AK6: variants seen among roughly 807,000 people sequenced by gnomAD.
AK6 encodes adenylate kinase isoenzyme 6.
A neutral mutation model predicts 23.7 loss-of-function variants in AK6; 24 were observed. The observed-to-expected ratio is 1.01, with a 90% confidence interval of 0.73 to 1.43. AK6 has a LOEUF of 1.43. AK6 is among the 40% of genes most tolerant of loss of function. The pLI, the probability that AK6 is intolerant of heterozygous loss-of-function variation, is 0.00. For synonymous variants in AK6, 73 were observed against 69.8 expected (o/e 1.05, Z -0.23); for missense variants, 191 against 199.1 (o/e 0.96, Z 0.24).
intron 2 of AK6, among the ~76,000 whole-genome samples, chr5:69,363,411 T>C (rs1426971208): frequency 6.6e-6 from 1 of 152,242 alleles, no homozygotes; most frequent in Admixed American, 6.5e-5. Flanking sequence ...AAATTGACTA[T>C]TATGTGACTC....
At chr5:69,365,270 T>C (rs758541712) in intron 2 of AK6, 19 of 1,614,228 alleles carry the variant, frequency 1.2e-5, no homozygotes, top group Middle Eastern at 1.6e-4. Flanking sequence ...GAGTACTTGG[T>C]CTGCTAGTAA....
chr5:69,365,455 T>C, intron 2 of AK6: 1 of 1,614,206 alleles, frequency 6.2e-7, no homozygotes, highest in East Asian at 2.2e-5. Context: ...TGCCTTGCAA[T>C]ATCTAATAAA....
At chr5:69,369,553 C>G (rs1762775032), upstream of AK6, 1 of 1,609,094 alleles carries the variant, frequency 6.2e-7, no homozygotes. Context: ...AGGGAGGAGC[C>G]GGAAGGGGCG....
intron 2 of AK6, chr5:69,365,055 G>C: frequency 6.2e-7 from 1 of 1,613,974 alleles, no homozygotes; most frequent in Non-Finnish European, 8.5e-7. Flanking sequence ...CATCATATTA[G>C]TGGTAATAAG....
intron 2 of AK6, among the ~76,000 whole-genome samples, chr5:69,357,560 T>C (rs1762114883): frequency 1.3e-5 from 2 of 152,254 alleles, no homozygotes; most frequent in African/African-American, 4.8e-5. Context: ...AACAAAGGAC[T>C]GAAATGTAGA....
chr5:69,353,598 A>G (rs1434061610), intron 4 of AK6, among the ~76,000 whole-genome samples: 3 of 152,128 alleles, frequency 2.0e-5, no homozygotes, highest in Non-Finnish European at 2.9e-5. Context: ...GCCCACCCCC[A>G]AAATTTTCTA....
chr5:69,361,697 C>T (rs573223634), intron 2 of AK6, among the ~76,000 whole-genome samples: 95 of 150,266 alleles, frequency 6.3e-4, no homozygotes, highest in Non-Finnish European at 7.4e-4. Flanking sequence ...CTCCGCCTAA[C>T]GGGTTCAAGT....
Position 69,361,225 on chromosome 5 carries a change from C to T in AK6, c.122-5272G>A, listed in dbSNP as rs569269653. 1.7e-4 allele frequency among the ~76,000 whole-genome samples: 26 copies of T among 151,714 alleles called. No homozygotes were observed. The South Asian group carries it at 4.4e-3, about 26-fold the overall frequency. ...CTAGAGTGCAGTGGCGCGATCTTGG[C>T]TCGCTGCAAGCTCTGCCTCCCAAGT... On this transcript the variant is annotated intron_variant, in intron 2 of 4. Coordinates refer to ENST00000380822, the MANE Select transcript of AK6 (RefSeq NM_016283.5).
intron 2 of AK6, among the ~76,000 whole-genome samples, chr5:69,358,517 CAAAAAAAAAAAAA>C (rs5868577): frequency 3.7e-5 from 2 of 54,166 alleles, no homozygotes; most frequent in East Asian, 1.1e-3. Flanking sequence ...GACTCTGTCT[CAAAAAAAAAAAAA>C]AAAAAAAAAA....
chr5:69,352,149 A>G lies in AK6; in HGVS notation c.431T>C (p.Leu144Pro). 3 of 1,613,958 alleles carry G rather than the reference A, an allele frequency of 1.9e-6. No individual in the cohort carries two copies. Among genetic ancestry groups the G allele is most frequent in the Non-Finnish European group, 1.7e-6 (2 of 1,179,926 alleles). The change falls in exon 5 of 5, where the codon CTG becomes CCG. Residue 144 changes from leucine to proline, a missense_variant. Leu to Pro is a moderately conservative substitution (Grantham distance 98). Transcript: ENST00000380822. ...TAGCTCTTCTGGTTTATTACTGGGC[A>G]GCTGATGCACGATTTCTTCCTTGTA... ...ASYKEEIVHQ[L>P]PSNKPEELEN...
In AK6 at chr5:69,351,913, A is replaced by G; in HGVS notation, c.*148T>C. ...TTTCATGTTTAGCTTTCTCATGGAG[A>G]AAAAGAAACACAGGCATAAACCTAT... On this transcript the variant is annotated 3_prime_UTR_variant, in exon 5 of 5. Transcript: ENST00000380822. The G allele has an allele frequency of 2.1e-6, 1 of 477,996 alleles. No individual in the cohort carries two copies. Among genetic ancestry groups the G allele is most frequent in the Non-Finnish European group, 3.5e-6 (1 of 288,704 alleles). The allele number at this position is 477,996 out of a possible 1,614,324, so 29.6% of individuals were successfully genotyped here. A position where few individuals can be genotyped will look rare whatever the true frequency, so the allele number is the denominator to read the frequency against.
chr5:69,360,340 G>C (rs973437434), intron 2 of AK6, among the ~76,000 whole-genome samples: 1 of 152,198 alleles, frequency 6.6e-6, no homozygotes, highest in Non-Finnish European at 1.5e-5. Flanking sequence ...AGGCCAAGTG[G>C]ATCTGTGTGG....
upstream of AK6, chr5:69,369,585 C>T: frequency 6.3e-7 from 1 of 1,599,702 alleles, no homozygotes; most frequent in Non-Finnish European, 8.5e-7. Context: ...AAGCCCACGG[C>T]CCCAAAGGCC....
chr5:69,366,201 G>C (rs1762417275), intron 2 of AK6, among the ~76,000 whole-genome samples: 1 of 152,086 alleles, frequency 6.6e-6, no homozygotes, highest in Non-Finnish European at 1.5e-5. Context: ...ACCTTTGTTT[G>C]TTCAACTTAA....
At chr5:69,368,603 C>A (rs1762628632) in intron 1 of AK6, among the ~76,000 whole-genome samples, 1 of 152,072 alleles carries the variant, frequency 6.6e-6, no homozygotes, top group African/African-American at 2.4e-5. Context: ...ACAGACATGT[C>A]TTGTGCGCTG....
intron 2 of AK6, among the ~76,000 whole-genome samples, chr5:69,358,304 C>T (rs1411273882): frequency 6.6e-6 from 1 of 151,958 alleles, no homozygotes; most frequent in African/African-American, 2.4e-5. Flanking sequence ...GGTTGATCAC[C>T]TGTGGTCAGG....
intron 4 of AK6, among the ~76,000 whole-genome samples, chr5:69,355,122 C>A (rs967049360): frequency 6.6e-6 from 1 of 152,150 alleles, no homozygotes; most frequent in African/African-American, 2.4e-5. Flanking sequence ...AGCCACTGTG[C>A]CCGGCCGACT....
intron 2 of AK6, among the ~76,000 whole-genome samples, chr5:69,357,038 G>A (rs1317880574): frequency 6.6e-6 from 1 of 152,150 alleles, no homozygotes; most frequent in Non-Finnish European, 1.5e-5. Context: ...CCATCTCTGA[G>A]AGCATGTTAT....
intron 2 of AK6, chr5:69,365,661 A>G (rs1485048674): frequency 1.2e-6 from 2 of 1,611,072 alleles, no homozygotes; most frequent in Non-Finnish European, 1.7e-6. Flanking sequence ...TGTAATCCCC[A>G]TATCCTTCAG....
Sources: gnomAD v4.1 joint callset for allele counts (sites outside exome capture counted in the v4.1 genomes callset) on GRCh38, gnomAD v4.1.1 for gene constraint, MANE v1.5 for transcripts, NCBI Gene and HGNC (gene_info 2026-07-23, HGNC 2026-07-21) for gene names.